HTT: variants seen among roughly 807,000 people sequenced by gnomAD.
HTT encodes the protein huntington disease protein.
Under a neutral mutation model 362.3 loss-of-function variants are expected in HTT, and 104 were observed. The ratio of observed to expected loss-of-function variants is 0.29; its 90% CI spans 0.24 to 0.34. The LOEUF is 0.34. Ranked by LOEUF, HTT falls within the 10% of genes least tolerant of loss-of-function variation. The pLI is 1.00. For missense variants in HTT, 3,301 were observed against 3,928.6 expected (o/e 0.84, Z 4.27); for synonymous variants, 1,577 against 1,548.7 (o/e 1.02, Z -0.43).
In HTT at chr4:3,183,064, T is replaced by A. The variant is rs553734446; in HGVS notation, c.4866+594T>A. On this transcript the variant is annotated intron_variant, in intron 37 of 66. Coordinates refer to ENST00000355072, the MANE Select transcript of HTT (RefSeq NM_001388492.1). ...CCTGGCTAGTTTTTTGTATTTTTAG[T>A]AGAGATGAGGTCTCGCTGTGTTGCC... 2.0e-5 allele frequency among the ~76,000 whole-genome samples: 3 copies of A among 152,272 alleles called. No individual in the cohort carries two copies. The South Asian group carries it at 6.2e-4, about 32-fold the overall frequency.
At chr4:3,113,159 G>T (rs191739620) in intron 6 of HTT, 1 of 225,402 alleles carries the variant, frequency 4.4e-6, no homozygotes, top group East Asian at 1.8e-4. Context: ...CTGTTAGCTG[G>T]CTTGGAGAAG....
intron 29 of HTT, 94 bp downstream of exon 29, chr4:3,160,486 A>T (rs1717385801): frequency 1.1e-6 from 1 of 890,698 alleles, no homozygotes; most frequent in East Asian, 2.6e-5. Flanking sequence ...CTGGTTCTCC[A>T]GGGTGCCTCC....
intron 45 of HTT, 97 bp downstream of exon 45, chr4:3,207,454 A>C: frequency 9.7e-7 from 1 of 1,028,530 alleles, no homozygotes; most frequent in South Asian, 1.4e-5. Context: ...CAAGAAATCG[A>C]TGTGCCTTAT....
intron 60 of HTT, among the ~76,000 whole-genome samples, chr4:3,230,494 A>T (rs1721199255): frequency 1.3e-5 from 2 of 152,018 alleles, no homozygotes; most frequent in South Asian, 2.1e-4. Context: ...CCGTTTTGTC[A>T]CAGTGACCCT....
Position 3,127,263 on chromosome 4 carries a change from G to T in HTT, c.1403-1G>T. The T allele has an allele frequency of 6.2e-7, 1 of 1,605,144 alleles. No individual in the cohort carries two copies. Among genetic ancestry groups the T allele is most frequent in the Non-Finnish European group, 8.5e-7 (1 of 1,172,046 alleles). ...ACAAATGAGTGTTTCTCTGTCTTCAGCCTCAGTGAAGGATGAGATCAGTGG... is the reference window on the plus strand; with the variant it reads ...ACAAATGAGTGTTTCTCTGTCTTCATCCTCAGTGAAGGATGAGATCAGTGG... On this transcript the variant is annotated splice_acceptor_variant, in intron 11 of 66. Transcript: ENST00000355072. LOFTEE classifies it high-confidence loss of function.
chr4:3,200,593 AAAG>A (rs1719481307), intron 41 of HTT, among the ~76,000 whole-genome samples: 1 of 152,192 alleles, frequency 6.6e-6, no homozygotes, highest in African/African-American at 2.4e-5. Flanking sequence ...ACGCTGGGGA[AAAG>A]AAGTTCTGGA....
In HTT at chr4:3,241,818, C is replaced by T. The variant is rs574453307; in HGVS notation, c.*1759C>T. ...GTATGAGGCTTTTCCCACCAGCTCC[C>T]AACAGAGGCCTCCCCCAGCCAGGAC... On this transcript the variant is annotated 3_prime_UTR_variant, in exon 67 of 67. Coordinates refer to ENST00000355072, the MANE Select transcript of HTT (RefSeq NM_001388492.1). 3 of 152,354 alleles carry T rather than the reference C, an allele frequency of 2.0e-5. No individual in the cohort carries two copies. Among genetic ancestry groups the T allele is most frequent in the Admixed American group, 2.0e-4 (3 of 15,302 alleles). The allele number at this position is 152,354 out of a possible 1,614,324, so 9.4% of individuals were successfully genotyped here.
At chr4:3,107,114 A>G (rs1441903735) in intron 5 of HTT, among the ~76,000 whole-genome samples, 171 bp from the exon 6 acceptor site, 1 of 152,156 alleles carries the variant, frequency 6.6e-6, no homozygotes, top group African/African-American at 2.4e-5. Context: ...ATGTCTCCCA[A>G]CACTTGAGCT....
chr4:3,168,893 A>G (rs960672796), intron 29 of HTT, among the ~76,000 whole-genome samples: 2 of 152,062 alleles, frequency 1.3e-5, no homozygotes, highest in African/African-American at 4.8e-5. Flanking sequence ...TGATTTGATA[A>G]TGATATGCCC....
At chr4:3,132,061 G>A (rs1715847332) in intron 16 of HTT, among the ~76,000 whole-genome samples, 1 of 152,224 alleles carries the variant, frequency 6.6e-6, no homozygotes, top group Non-Finnish European at 1.5e-5. Flanking sequence ...CCTGGTCGCA[G>A]TGGCGCTGAG....
At chr4:3,147,094 C>G (rs1487457897) in intron 25 of HTT, 146 bp downstream of exon 25, 1 of 819,272 alleles carries the variant, frequency 1.2e-6, no homozygotes, top group East Asian at 2.4e-5. Context: ...TCAGATGTTA[C>G]CTATATGCAT....
intron 47 of HTT, 120 bp downstream of exon 47, chr4:3,210,069 G>T: frequency 1.6e-6 from 2 of 1,267,904 alleles, no homozygotes; most frequent in East Asian, 4.8e-5. Flanking sequence ...TCCAGTCTGG[G>T]CAGGGACGGG....
At position 3,242,217 on chromosome 4, in the gene HTT, T is replaced by C. The variant is rs938947375; in HGVS notation, c.*2158T>C. On this transcript the variant is annotated 3_prime_UTR_variant, in exon 67 of 67. Transcript: ENST00000355072. ...GGAATGCATATCGCTGGGCTCAACA[T>C]AGAGTTTGTCTTCCTCTTGTTTACG... 6.6e-6 allele frequency: 1 copy of C among 152,192 alleles called. No individual in the cohort carries two copies. The highest frequency in any genetic ancestry group is 1.5e-5 in the Non-Finnish European group (1 of 68,032). 9.4% of individuals were successfully genotyped at this position (152,192 alleles called of 1,614,324 possible).
At chr4:3,209,705 C>T (rs1344227368) in intron 46 of HTT, 122 bp from the exon 47 acceptor site, 13 of 1,213,786 alleles carry the variant, frequency 1.1e-5, no homozygotes, top group Middle Eastern at 2.9e-4. Context: ...GCCTGCCGGC[C>T]GGCAGCCCTC....
chr4:3,175,033 C>G lies in HTT; in HGVS notation c.4333C>G (p.Gln1445Glu), dbSNP rs1476911066. 6.2e-7 allele frequency: 1 copy of G among 1,613,918 alleles called. No individual in the cohort carries two copies. The highest frequency in any genetic ancestry group is 8.5e-7 in the Non-Finnish European group (1 of 1,179,780). Residue 1445 changes from glutamine (Q) to glutamate (E), a missense_variant, in exon 33 of 67, where the codon CAG becomes GAG. Transcript: ENST00000355072. ...CACGACTACAACATGTGTGCAGTTA[C>G]AGAAGCAGGTTTTAGATTTGCTGGC... The part of the protein sequence containing the change: ...QYTTTTCVQL[Q>E]KQVLDLLAQL...
rs1011679169 is a variant in HTT at position 3,084,993 on chromosome 4, G to A, written c.264-1946G>A. On this transcript the variant is annotated intron_variant, in intron 1 of 66. Transcript: ENST00000355072. ...CGCGCCACTGCACTCCAGCCTGGGC[G>A]ACAGAGCAAGACTCCGTCTCGGGGG... is the stretch of plus-strand genomic sequence containing the variant. Among the ~76,000 whole-genome samples the A allele has an allele frequency of 8.6e-5, 13 of 151,106 alleles. No homozygotes were observed. The East Asian group carries it at 9.7e-4, about 11-fold the overall frequency.
chr4:3,131,720 G>A lies in HTT; in HGVS notation c.2181G>A (p.Pro727=), dbSNP rs201616388. ...SCVGAAVALH[P]ESFFSKLYKV... ...TGGGAGCAGCTGTGGCCCTCCACCC[G>A]GAATCTTTCTTCAGCAAACTCTATA... The change falls in exon 16 of 67, where the codon CCG becomes CCA. Residue 727 remains proline, a synonymous_variant. Transcript: ENST00000355072. The A allele has an allele frequency of 5.0e-6, 8 of 1,614,000 alleles. No individual in the cohort carries two copies. Among genetic ancestry groups the A allele is most frequent in the Middle Eastern group, 1.7e-4 (1 of 6,030 alleles).
intron 54 of HTT, 70 bp downstream of exon 54, chr4:3,222,557 A>G (rs1253176787): frequency 3.6e-6 from 4 of 1,121,412 alleles, no homozygotes; most frequent in Non-Finnish European, 5.3e-6. Context: ...GGTGGGGAAT[A>G]AAATAAGGCA....
intron 10 of HTT, among the ~76,000 whole-genome samples, chr4:3,124,042 T>C (rs778234752): frequency 4.6e-5 from 7 of 152,236 alleles, no homozygotes; most frequent in African/African-American, 4.8e-5. Context: ...CTAGCCTTCA[T>C]TGAATTAAGT....
Sources: gnomAD v4.1 joint callset for allele counts (sites outside exome capture counted in the v4.1 genomes callset) on GRCh38, gnomAD v4.1.1 for gene constraint, MANE v1.5 for transcripts, NCBI Gene and HGNC (gene_info 2026-07-23, HGNC 2026-07-21) for gene names.